LITAF: variants seen among roughly 807,000 people sequenced by gnomAD.
LITAF encodes lipopolysaccharide-induced tumor necrosis factor-alpha factor.
A neutral mutation model predicts 14.5 loss-of-function variants in LITAF; 9 were observed. The observed-to-expected ratio is 0.62, with a 90% CI of 0.37 to 1.08. LITAF has a LOEUF of 1.08. LITAF is among the 50% of genes least tolerant of loss of function. The probability of loss-of-function intolerance (pLI) is 0.01; values close to 1 mark genes in which losing one functional copy is unlikely to be tolerated. For synonymous variants in LITAF, 98 were observed against 88.2 expected (o/e 1.11, Z -0.62); for missense variants, 206 against 213.4 (o/e 0.97, Z 0.22).
chr16:11,622,436 C>T (rs1180501046), intron 3 of LITAF, among the ~76,000 whole-genome samples: 2 of 152,220 alleles, frequency 1.3e-5, no homozygotes, highest in East Asian at 1.9e-4. Flanking sequence ...GGAGAGCCCC[C>T]GGGAAGAGGC....
rs148012646 is a variant in LITAF at position 11,629,601 on chromosome 16, G to A, written c.85+3932C>T. ...CTGTGAGCAGTCAGCGGCCACACTC[G>A]AAGCAGCCGGCTCCTTCCTTCCTCT... On this transcript the variant is annotated intron_variant, in intron 3 of 3. Coordinates refer to the LITAF transcript ENST00000574848. 9.8e-5 allele frequency among the ~76,000 whole-genome samples: 15 copies of A among 152,292 alleles called. No homozygotes were observed. The East Asian group carries it at 2.3e-3, about 24-fold the overall frequency.
chr16:11,637,099 C>A (rs1437381889), upstream of LITAF, among the ~76,000 whole-genome samples: 1 of 152,148 alleles, frequency 6.6e-6, no homozygotes, highest in Non-Finnish European at 1.5e-5. Flanking sequence ...CCATGTTGGC[C>A]GGGCTGGTCT....
intron 1 of LITAF, among the ~76,000 whole-genome samples, chr16:11,593,447 C>A (rs992519129): frequency 1.7e-4 from 25 of 146,292 alleles, no homozygotes; most frequent in Non-Finnish European, 1.0e-4. Context: ...CTGGTGAGAA[C>A]ATAAAATGCT....
chr16:11,639,066 A>T (rs2065154211), upstream of LITAF, among the ~76,000 whole-genome samples: 1 of 152,124 alleles, frequency 6.6e-6, no homozygotes, highest in South Asian at 2.1e-4. Flanking sequence ...AGAGGGATAG[A>T]GGGATGGATG....
chr16:11,576,469 A>T (rs552283675), intron 1 of LITAF, among the ~76,000 whole-genome samples: 1 of 151,526 alleles, frequency 6.6e-6, no homozygotes. Context: ...ACACTGTCTC[A>T]AAATAAATAA....
At chr16:11,635,172 C>G (rs539196399) in intron 2 of LITAF, among the ~76,000 whole-genome samples, 2 of 152,328 alleles carry the variant, frequency 1.3e-5, no homozygotes, top group East Asian at 3.9e-4. Flanking sequence ...GATAAATCAG[C>G]TCTATCTGGG....
intron 1 of LITAF, among the ~76,000 whole-genome samples, chr16:11,566,570 C>T (rs1166824072): frequency 6.6e-6 from 1 of 152,156 alleles, no homozygotes; most frequent in African/African-American, 2.4e-5. Context: ...TCGAGACCGG[C>T]CCGGGCAACA....
chr16:11,567,068 G>A (rs1302139566), intron 1 of LITAF, among the ~76,000 whole-genome samples: 1 of 152,152 alleles, frequency 6.6e-6, no homozygotes, highest in East Asian at 1.9e-4. Flanking sequence ...GCAGTGTATT[G>A]TTTCTCAACA....
At chr16:11,579,871 G>A (rs1169596757) in intron 1 of LITAF, among the ~76,000 whole-genome samples, 1 of 152,200 alleles carries the variant, frequency 6.6e-6, no homozygotes, top group Admixed American at 6.5e-5. Flanking sequence ...TATGACTGCA[G>A]GAGACTAGAA....
chr16:11,550,720 T>C (rs1357220449), intron 3 of LITAF, among the ~76,000 whole-genome samples: 1 of 152,150 alleles, frequency 6.6e-6, no homozygotes, highest in Non-Finnish European at 1.5e-5. Context: ...GGTCTTGAAC[T>C]GCTGGCCTCA....
intron 1 of LITAF, among the ~76,000 whole-genome samples, chr16:11,568,372 C>G (rs745684831): frequency 1.1e-4 from 17 of 152,068 alleles, no homozygotes; most frequent in Non-Finnish European, 1.8e-4. Flanking sequence ...GCAGGCTCCC[C>G]AATGTCCCCA....
chr16:11,582,835 A>G (rs2064759344), intron 1 of LITAF, among the ~76,000 whole-genome samples: 1 of 152,228 alleles, frequency 6.6e-6, no homozygotes, highest in African/African-American at 2.4e-5. Context: ...ACTTTCAGGA[A>G]CTATCCAAAT....
At chr16:11,616,848 G>T in intron 3 of LITAF, among the ~76,000 whole-genome samples, 1 of 149,902 alleles carries the variant, frequency 6.7e-6, no homozygotes, top group East Asian at 2.0e-4. Context: ...AGAGGTTGAG[G>T]CTGCAGTGAG....
chr16:11,622,231 C>G (rs1484673546), intron 3 of LITAF, among the ~76,000 whole-genome samples: 4 of 152,208 alleles, frequency 2.6e-5, no homozygotes, highest in African/African-American at 9.7e-5. Context: ...CAGCTGGAAG[C>G]ATCTGGACCG....
rs144875892 is a variant in LITAF, at chr16:11,592,267, A to C, written c.-6+6121T>G. 9.2e-5 allele frequency among the ~76,000 whole-genome samples: 14 copies of C among 152,212 alleles called. No homozygotes were observed. The East Asian group carries it at 2.7e-3, about 29-fold the overall frequency. ...CAACTCAGCAATAAAAAAACAACAAACAACCTAGTGTAAAAATGGGCACTG... is the reference window on the plus strand; with the variant it reads ...CAACTCAGCAATAAAAAAACAACAACCAACCTAGTGTAAAAATGGGCACTG... On this transcript the variant is annotated intron_variant, in intron 1 of 3. Coordinates refer to the LITAF transcript ENST00000571627.
At chr16:11,559,100 A>T (rs1167991267) in intron 1 of LITAF, among the ~76,000 whole-genome samples, 1 of 152,098 alleles carries the variant, frequency 6.6e-6, no homozygotes, top group Non-Finnish European at 1.5e-5. Flanking sequence ...TTTAAAAATT[A>T]AAAAAATTAG....
chr16:11,630,359 C>G (rs575315355), intron 3 of LITAF, among the ~76,000 whole-genome samples: 1 of 152,182 alleles, frequency 6.6e-6, no homozygotes, highest in Non-Finnish European at 1.5e-5. Context: ...TTTGAAACTG[C>G]TTTAAACTCG....
At chr16:11,613,102 C>T (rs2064992903) in intron 3 of LITAF, among the ~76,000 whole-genome samples, 1 of 152,070 alleles carries the variant, frequency 6.6e-6, no homozygotes, top group Non-Finnish European at 1.5e-5. Context: ...TGCAGTGGTA[C>T]AATGTCGACT....
chr16:11,628,555 G>A (rs953874459), intron 3 of LITAF, among the ~76,000 whole-genome samples: 1 of 152,172 alleles, frequency 6.6e-6, no homozygotes, highest in African/African-American at 2.4e-5. Flanking sequence ...CCGGGCTGGA[G>A]TGCAGTGGCA....
Sources: gnomAD v4.1 joint callset for allele counts (sites outside exome capture counted in the v4.1 genomes callset) on GRCh38, gnomAD v4.1.1 for gene constraint, MANE v1.5 for transcripts, NCBI Gene and HGNC (gene_info 2026-07-23, HGNC 2026-07-21) for gene names.